The following ATP2C1 variants were observed in gnomAD, a reference collection of about 807,000 sequenced individuals.
ATP2C1 encodes the protein calcium-transporting ATPase type 2C member 1.
In ATP2C1, 31 loss-of-function variants were observed where a neutral mutation model predicts 120.5. That is an observed-to-expected ratio of 0.26 (90% CI 0.19 to 0.35). ATP2C1 has a LOEUF of 0.35. Ranked by LOEUF, ATP2C1 falls within the 10% of genes least tolerant of loss-of-function variation. ATP2C1 has a pLI of 1.00. For synonymous variants in ATP2C1, 351 were observed against 358.7 expected (o/e 0.98, Z 0.24); for missense variants, 731 against 1,107.5 (o/e 0.66, Z 4.83).
At chr3:130,901,523 A>G (rs2057821202) in intron 2 of ATP2C1, among the ~76,000 whole-genome samples, 2 of 152,074 alleles carry the variant, frequency 1.3e-5, no homozygotes, top group Non-Finnish European at 2.9e-5. Context: ...TTGGACAGTG[A>G]CTAGATACAG....
intron 2 of ATP2C1, among the ~76,000 whole-genome samples, chr3:130,922,275 C>A (rs903091042): frequency 1.3e-5 from 2 of 152,080 alleles, no homozygotes; most frequent in Admixed American, 6.5e-5. Context: ...CTTGAATGAT[C>A]TTTTCTATTT....
intron 5 of ATP2C1, 87 bp downstream of exon 5, chr3:130,934,798 GCT>G: frequency 1.1e-6 from 1 of 909,902 alleles, no homozygotes. Context: ...ATTGAGAAGT[GCT>G]CTCAGATTTT....
intron 18 of ATP2C1, among the ~76,000 whole-genome samples, chr3:130,978,990 A>G (rs913509999): frequency 2.0e-5 from 3 of 152,032 alleles, no homozygotes; most frequent in African/African-American, 4.8e-5. Context: ...AATATTGTTC[A>G]TTTTCTGTCT....
intron 19 of ATP2C1, among the ~76,000 whole-genome samples, chr3:130,980,145 G>GTACT (rs1195885082): frequency 1.1e-4 from 17 of 152,214 alleles, no homozygotes; most frequent in African/African-American, 3.1e-4. Context: ...TTCGGACACT[G>GTACT]TACTTAAAAT....
At chr3:131,008,017 T>A (rs2063180634), downstream of ATP2C1, among the ~76,000 whole-genome samples, 1 of 152,234 alleles carries the variant, frequency 6.6e-6, no homozygotes, top group Non-Finnish European at 1.5e-5. Context: ...TTGTAAGTAT[T>A]TTTCTATGTG....
chr3:130,908,559 C>G (rs2058250246), intron 2 of ATP2C1, among the ~76,000 whole-genome samples: 1 of 151,978 alleles, frequency 6.6e-6, no homozygotes, highest in Admixed American at 6.6e-5. Flanking sequence ...GAGATTACTT[C>G]TGGGCAGTAG....
At chr3:131,013,010 G>C (rs957501698) in intron 26 of ATP2C1, among the ~76,000 whole-genome samples, 7 of 152,208 alleles carry the variant, frequency 4.6e-5, no homozygotes, top group Non-Finnish European at 1.0e-4. Flanking sequence ...ATTCCTGATG[G>C]AATATACCAG....
downstream of ATP2C1, among the ~76,000 whole-genome samples, chr3:131,006,359 G>A (rs902857840): frequency 7.2e-5 from 11 of 152,190 alleles, no homozygotes; most frequent in African/African-American, 2.4e-4. Flanking sequence ...TGATCCATGC[G>A]CCTCAGCCTC....
intron 3 of ATP2C1, 102 bp downstream of exon 3, chr3:130,930,628 T>C (rs2059411717): frequency 7.4e-6 from 6 of 808,060 alleles, no homozygotes; most frequent in Non-Finnish European, 1.3e-5. Context: ...GTGATAGAAA[T>C]ATTCTGTTCT....
At chr3:130,964,621 T>C (rs2060971643) in intron 13 of ATP2C1, among the ~76,000 whole-genome samples, 1 of 152,072 alleles carries the variant, frequency 6.6e-6, no homozygotes, top group South Asian at 2.1e-4. Context: ...GAAGAAATTA[T>C]ACGGGTTTAT....
chr3:130,874,679 A>G (rs910739708), intron 1 of ATP2C1, among the ~76,000 whole-genome samples: 3 of 152,232 alleles, frequency 2.0e-5, no homozygotes, highest in African/African-American at 7.2e-5. Flanking sequence ...TTAATTATGT[A>G]TTAAAGGACT....
chr3:130,890,835 AT>A (rs1407866357), upstream of ATP2C1, among the ~76,000 whole-genome samples: 1 of 151,218 alleles, frequency 6.6e-6, no homozygotes, highest in African/African-American at 2.4e-5. Context: ...CCTTTATCTT[AT>A]AAGAAGAAAA....
chr3:130,935,540 G>C (rs1182001873), intron 5 of ATP2C1, among the ~76,000 whole-genome samples: 1 of 152,178 alleles, frequency 6.6e-6, no homozygotes, highest in Non-Finnish European at 1.5e-5. Context: ...TAGAGATGCA[G>C]CTCTTGAACT....
At chr3:130,885,785 GCAAT>G (rs2107840865) in intron 1 of ATP2C1, among the ~76,000 whole-genome samples, 1 of 152,060 alleles carries the variant, frequency 6.6e-6, no homozygotes, top group Non-Finnish European at 1.5e-5. Flanking sequence ...GTTTGTTTTT[GCAAT>G]CAGTTATAAT....
intron 26 of ATP2C1, among the ~76,000 whole-genome samples, chr3:131,010,310 C>T (rs1284057491): frequency 1.3e-5 from 2 of 151,686 alleles, no homozygotes; most frequent in Non-Finnish European, 2.9e-5. Flanking sequence ...CCGGCCTCAG[C>T]CTCCCAAGTA....
intron 17 of ATP2C1, among the ~76,000 whole-genome samples, chr3:130,970,751 C>A (rs1274841695): frequency 6.6e-6 from 1 of 152,026 alleles, no homozygotes; most frequent in Admixed American, 6.6e-5. Context: ...TATGTTTTTA[C>A]CTATGAGCAA....
intron 1 of ATP2C1, among the ~76,000 whole-genome samples, chr3:130,875,935 A>G (rs1480842130): frequency 1.3e-5 from 2 of 149,848 alleles, no homozygotes; most frequent in Non-Finnish European, 3.0e-5. Context: ...GTGTCTTTAG[A>G]TCATTTGCCC....
chr3:130,880,787 G>A (rs2068757170), intron 1 of ATP2C1, among the ~76,000 whole-genome samples: 1 of 152,142 alleles, frequency 6.6e-6, no homozygotes, highest in South Asian at 2.1e-4. Context: ...TGATTGTCCT[G>A]GGCTAAACTG....
downstream of ATP2C1, chr3:131,003,218 A>C: frequency 1.1e-6 from 1 of 927,330 alleles, no homozygotes; most frequent in Non-Finnish European, 1.3e-6. Flanking sequence ...AGAAATTAAA[A>C]TTATCCATAT....
Sources: gnomAD v4.1 joint callset for allele counts (sites outside exome capture counted in the v4.1 genomes callset) on GRCh38, gnomAD v4.1.1 for gene constraint, MANE v1.5 for transcripts, NCBI Gene and HGNC (gene_info 2026-07-23, HGNC 2026-07-21) for gene names.